Variants in PACRG observed in about 807,000 individuals in gnomAD.
PACRG encodes the protein parkin coregulated gene protein.
PACRG carries 29 observed loss-of-function variants against 29.7 expected under a neutral mutation model. The ratio of observed to expected loss-of-function variants is 0.98; its 90% CI spans 0.73 to 1.33. The LOEUF (loss-of-function observed/expected upper bound fraction) is 1.33. Ranked by LOEUF, PACRG falls within the 40% of genes most tolerant of loss-of-function variation. The pLI is 0.00. For missense variants in PACRG, 279 were observed against 316.2 expected (o/e 0.88, Z 0.89); for synonymous variants, 116 against 118.7 (o/e 0.98, Z 0.15).
intron 4 of PACRG, among the ~76,000 whole-genome samples, chr6:163,230,646 A>C (rs6455874): frequency 2.6e-5 from 4 of 151,840 alleles, no homozygotes; most frequent in African/African-American, 9.7e-5. Context: ...GTGTCCAACT[A>C]TGTGTCTATA....
rs1357477300 is a variant in PACRG at position 162,980,280 on chromosome 6, A to C, written c.292-81870A>C. 2.0e-5 allele frequency among the ~76,000 whole-genome samples: 3 copies of C among 152,246 alleles called. No individual in the cohort carries two copies. In the East Asian group the frequency reaches 5.8e-4, roughly 29 times the overall value. On this transcript the variant is annotated intron_variant, in intron 2 of 4. Transcript: ENST00000366888. ...CTCATGTCATTAGGCCCAGGTCATA[A>C]ATGTATGCCTAATACTCTTCAGTCA...
At chr6:163,106,529 CT>C (rs1815390901) in intron 4 of PACRG, among the ~76,000 whole-genome samples, 1 of 149,242 alleles carries the variant, frequency 6.7e-6, no homozygotes, top group African/African-American at 2.4e-5. Context: ...CAAATTCAGC[CT>C]TTATGTAATA....
At chr6:163,252,686 A>G (rs955655272) in intron 4 of PACRG, among the ~76,000 whole-genome samples, 5 of 152,184 alleles carry the variant, frequency 3.3e-5, no homozygotes, top group Non-Finnish European at 5.9e-5. Flanking sequence ...ACACCTCACC[A>G]GTGTTTTCCT....
chr6:162,753,100 T>C (rs960520830), intron 1 of PACRG, among the ~76,000 whole-genome samples: 1 of 150,180 alleles, frequency 6.7e-6, no homozygotes, highest in African/African-American at 2.5e-5. Flanking sequence ...CCATTTCTTA[T>C]GGGGAGACAC....
chr6:162,948,954 A>G (rs938088584), intron 2 of PACRG, among the ~76,000 whole-genome samples: 1 of 152,134 alleles, frequency 6.6e-6, no homozygotes, highest in Admixed American at 6.5e-5. Flanking sequence ...AAATGACTCA[A>G]AATTTTAAAA....
chr6:163,303,172 A>T (rs1474901944), intron 4 of PACRG, among the ~76,000 whole-genome samples: 1 of 152,056 alleles, frequency 6.6e-6, no homozygotes, highest in Non-Finnish European at 1.5e-5. Context: ...CTCTACAAAG[A>T]TAAAAAAATT....
intron 4 of PACRG, among the ~76,000 whole-genome samples, chr6:163,293,701 C>G (rs984049273): frequency 6.6e-6 from 1 of 151,990 alleles, no homozygotes; most frequent in Non-Finnish European, 1.5e-5. Flanking sequence ...TCCACGTTAC[C>G]ATTAGAGAAA....
At chr6:163,033,442 T>C (rs1585048521) in intron 2 of PACRG, among the ~76,000 whole-genome samples, 1 of 152,354 alleles carries the variant, frequency 6.6e-6, no homozygotes, top group Non-Finnish European at 1.5e-5. Context: ...ATATTTGATC[T>C]GCATAATGTA....
intron 1 of PACRG, among the ~76,000 whole-genome samples, chr6:162,771,626 T>C (rs919993260): frequency 6.6e-6 from 1 of 152,096 alleles, no homozygotes; most frequent in Admixed American, 6.6e-5. Flanking sequence ...AAATTAACCA[T>C]CAATATCAAA....
chr6:162,814,909 C>T (rs1787201954), intron 2 of PACRG, among the ~76,000 whole-genome samples: 1 of 152,188 alleles, frequency 6.6e-6, no homozygotes, highest in Admixed American at 6.5e-5. Flanking sequence ...TGCCTAATGA[C>T]TCCATTCTAA....
chr6:162,818,734 A>G (rs1231050750), intron 2 of PACRG, among the ~76,000 whole-genome samples: 1 of 152,222 alleles, frequency 6.6e-6, no homozygotes, highest in Non-Finnish European at 1.5e-5. Flanking sequence ...GATACAGGTC[A>G]TCTTTCTCCA....
At chr6:163,239,894 TCA>T (rs1256553848) in intron 4 of PACRG, among the ~76,000 whole-genome samples, 1 of 102,430 alleles carries the variant, frequency 9.8e-6, no homozygotes, top group African/African-American at 5.1e-5. Flanking sequence ...TGACACACAC[TCA>T]CACTGTCACA....
intron 3 of PACRG, among the ~76,000 whole-genome samples, chr6:163,083,628 A>G (rs953058418): frequency 3.3e-5 from 5 of 152,102 alleles, no homozygotes; most frequent in Non-Finnish European, 5.9e-5. Flanking sequence ...CAGAATAGTA[A>G]ATGTTCATTT....
At chr6:162,782,193 T>A (rs568236305) in intron 1 of PACRG, among the ~76,000 whole-genome samples, 2 of 151,960 alleles carry the variant, frequency 1.3e-5, no homozygotes, top group South Asian at 4.1e-4. Flanking sequence ...AATAAAGGAA[T>A]CAGTTTATCA....
At chr6:162,871,981 A>C (rs1183083167) in intron 2 of PACRG, among the ~76,000 whole-genome samples, 4 of 152,236 alleles carry the variant, frequency 2.6e-5, no homozygotes, top group Admixed American at 6.5e-5. Flanking sequence ...TCTCAATAGA[A>C]TATTTTAAAT....
Position 162,778,798 on chromosome 6 carries a change from G to A in PACRG, c.157-35349G>A, listed in dbSNP as rs557892172. On this transcript the variant is annotated intron_variant, in intron 1 of 4. Transcript: ENST00000366888. ...CAGCACGCCCTGAACCCTCCAGCAA[G>A]CCTGGGCCTGTGTGGCGCTCAGAGC... 5.3e-5 allele frequency among the ~76,000 whole-genome samples: 8 copies of A among 152,348 alleles called. No individual in the cohort carries two copies. In the East Asian group the frequency reaches 1.5e-3, roughly 29 times the overall value.
At chr6:163,298,323 A>G (rs1471215874) in intron 4 of PACRG, among the ~76,000 whole-genome samples, 1 of 152,154 alleles carries the variant, frequency 6.6e-6, no homozygotes, top group African/African-American at 2.4e-5. Flanking sequence ...GTAATTAGAA[A>G]AATGCTAACT....
chr6:163,009,563 C>T (rs1309848060), intron 2 of PACRG, among the ~76,000 whole-genome samples: 2 of 152,182 alleles, frequency 1.3e-5, no homozygotes, highest in South Asian at 4.1e-4. Context: ...ATTTGGTTTA[C>T]TTTCCTGCAT....
intron 1 of PACRG, among the ~76,000 whole-genome samples, chr6:162,785,805 G>C (rs1238044604): frequency 1.3e-5 from 2 of 152,280 alleles, no homozygotes; most frequent in Non-Finnish European, 2.9e-5. Context: ...ATGCGGCCCA[G>C]TTCCTAGCAG....
Sources: allele counts gnomAD v4.1 joint callset (sites outside exome capture counted in the v4.1 genomes callset), GRCh38; gene constraint gnomAD v4.1.1; transcripts MANE v1.5; gene names NCBI Gene and HGNC (gene_info 2026-07-23, HGNC 2026-07-21).